The following MAP3K5 variants were observed in gnomAD, a reference collection of about 807,000 sequenced individuals.
MAP3K5 encodes the protein mitogen-activated protein kinase kinase kinase 5.
A neutral mutation model predicts 158.7 loss-of-function variants in MAP3K5; 56 were observed. That is an observed-to-expected ratio of 0.35 (90% CI 0.28 to 0.44). MAP3K5 has a LOEUF of 0.44. Ranked by LOEUF, MAP3K5 falls within the 20% of genes least tolerant of loss-of-function variation. The probability of loss-of-function intolerance (pLI) is 1.00; values close to 1 mark genes in which losing one functional copy is unlikely to be tolerated. For synonymous variants in MAP3K5, 579 were observed against 601.7 expected (o/e 0.96, Z 0.55); for missense variants, 1,294 against 1,674.8 (o/e 0.77, Z 3.97).
intron 1 of MAP3K5, among the ~76,000 whole-genome samples, chr6:136,737,601 G>A (rs919261573): frequency 5.3e-5 from 8 of 152,126 alleles, no homozygotes; most frequent in African/African-American, 1.2e-4. Flanking sequence ...AGGAGGCTCC[G>A]GTTTCTTCGC....
intron 8 of MAP3K5, among the ~76,000 whole-genome samples, chr6:136,662,064 C>T (rs1008183654): frequency 1.3e-5 from 2 of 152,176 alleles, no homozygotes; most frequent in African/African-American, 2.4e-5. Flanking sequence ...ATTTTTATTA[C>T]TCTAAACATT....
chr6:136,773,421 T>G (rs1784289883), intron 1 of MAP3K5, among the ~76,000 whole-genome samples: 1 of 152,234 alleles, frequency 6.6e-6, no homozygotes, highest in Admixed American at 6.5e-5. Context: ...GAAACTGCTC[T>G]GGCAAAGTTA....
At chr6:136,634,342 C>G (rs900080254) in intron 14 of MAP3K5, among the ~76,000 whole-genome samples, 5 of 152,154 alleles carry the variant, frequency 3.3e-5, no homozygotes, top group Admixed American at 2.0e-4. Flanking sequence ...CAGAGCATCC[C>G]TGTAAACATG....
intron 24 of MAP3K5, 132 bp downstream of exon 24, chr6:136,583,423 T>TG: frequency 1.3e-6 from 1 of 798,104 alleles, no homozygotes; most frequent in Non-Finnish European, 1.9e-6. Flanking sequence ...GAGGCGAATA[T>TG]CTCACATTTT....
At chr6:136,619,399 G>A (rs888462207) in intron 15 of MAP3K5, among the ~76,000 whole-genome samples, 1 of 152,210 alleles carries the variant, frequency 6.6e-6, no homozygotes, top group Non-Finnish European at 1.5e-5. Flanking sequence ...GTTTTAGGCA[G>A]TAGTGACGTG....
chr6:136,591,788 C>T (rs989537955), intron 23 of MAP3K5, among the ~76,000 whole-genome samples: 39 of 152,222 alleles, frequency 2.6e-4, no homozygotes, highest in Admixed American at 9.2e-4. Flanking sequence ...CTGAGAGGAG[C>T]GACTGGCAGG....
chr6:136,623,942 C>T (rs1418795363), intron 14 of MAP3K5, among the ~76,000 whole-genome samples: 4 of 152,192 alleles, frequency 2.6e-5, no homozygotes, highest in Non-Finnish European at 5.9e-5. Context: ...CCTGTTAATT[C>T]TAGCACTTTG....
rs375647387 is a variant in MAP3K5 at position 136,642,529 on chromosome 6, C to T, written c.1829G>A (p.Arg610Lys). 6.2e-7 allele frequency: 1 copy of T among 1,610,130 alleles called. No homozygotes were observed. The highest frequency in any genetic ancestry group is 1.3e-5 in the African/African-American group (1 of 74,910). Residue 610 changes from arginine to lysine, a missense_variant, in exon 12 of 30, where the codon AGG (arginine) becomes AAG (lysine). Arg to Lys is a conservative substitution (Grantham distance 26, BLOSUM62 2). Coordinates refer to ENST00000359015, the MANE Select transcript of MAP3K5 (RefSeq NM_005923.4). Reference sequence around the variant, plus strand: ...TACCAAGGAAACTTACCTCACTCCCCTGACAGAAGAGGCACTAAAATTCCA... The same window carrying T: ...TACCAAGGAAACTTACCTCACTCCCTTGACAGAAGAGGCACTAAAATTCCA... The part of the protein sequence containing the change: ...HEWNFSASSV[R>K]GVSISKFEER...
At chr6:136,656,584 C>T (rs1320086435) in intron 9 of MAP3K5, 124 bp from the exon 10 acceptor site, 8 of 616,556 alleles carry the variant, frequency 1.3e-5, no homozygotes, top group African/African-American at 1.1e-4. Flanking sequence ...TTCAGATTCA[C>T]CGTTATTCGT....
At chr6:136,606,287 G>A (rs557106106) in intron 18 of MAP3K5, among the ~76,000 whole-genome samples, 1 of 152,234 alleles carries the variant, frequency 6.6e-6, no homozygotes, top group South Asian at 2.1e-4. Flanking sequence ...GGAGGCGGAG[G>A]TTGCAGTGAG....
At chr6:136,627,939 T>G (rs1777121082) in intron 14 of MAP3K5, among the ~76,000 whole-genome samples, 1 of 152,196 alleles carries the variant, frequency 6.6e-6, no homozygotes, top group Non-Finnish European at 1.5e-5. Context: ...CTATCCCCAG[T>G]TTTAGCATGT....
intron 7 of MAP3K5, among the ~76,000 whole-genome samples, chr6:136,683,937 A>G (rs1221002722): frequency 1.3e-5 from 2 of 152,112 alleles, no homozygotes; most frequent in Non-Finnish European, 2.9e-5. Context: ...TCAGTTGCAA[A>G]ATGGGAAGAA....
chr6:136,733,157 C>T (rs888203716), intron 1 of MAP3K5, among the ~76,000 whole-genome samples: 1 of 152,168 alleles, frequency 6.6e-6, no homozygotes, highest in Non-Finnish European at 1.5e-5. Flanking sequence ...CACCACTATG[C>T]CCAGCTAATT....
chr6:136,706,964 A>G (rs1375603918), intron 2 of MAP3K5, among the ~76,000 whole-genome samples: 3 of 152,220 alleles, frequency 2.0e-5, no homozygotes, highest in African/African-American at 4.8e-5. Flanking sequence ...CCTAGGCAAC[A>G]TGATGAGACT....
chr6:136,731,117 T>C (rs1782206207), intron 1 of MAP3K5, among the ~76,000 whole-genome samples: 1 of 152,100 alleles, frequency 6.6e-6, no homozygotes, highest in African/African-American at 2.4e-5. Flanking sequence ...GCGCACGCCT[T>C]GGAGAGGATG....
chr6:136,762,235 G>GAGAAA (rs1337790948), intron 1 of MAP3K5, among the ~76,000 whole-genome samples: 1 of 151,884 alleles, frequency 6.6e-6, no homozygotes, highest in African/African-American at 2.4e-5. Flanking sequence ...GAGAAGAGAA[G>GAGAAA]AGACAGAGAG....
chr6:136,689,160 T>C (rs1483385121), intron 7 of MAP3K5, among the ~76,000 whole-genome samples: 1 of 151,982 alleles, frequency 6.6e-6, no homozygotes, highest in East Asian at 1.9e-4. Flanking sequence ...ATTAGCCAAG[T>C]GTTATAGCGT....
At chr6:136,623,372 A>T (rs1334327309) in intron 14 of MAP3K5, among the ~76,000 whole-genome samples, 1 of 152,192 alleles carries the variant, frequency 6.6e-6, no homozygotes, top group Admixed American at 6.5e-5. Flanking sequence ...TCAGCTTTTG[A>T]TGCTGTTAAA....
intron 7 of MAP3K5, among the ~76,000 whole-genome samples, chr6:136,684,061 A>G (rs1381056671): frequency 6.6e-6 from 1 of 151,972 alleles, no homozygotes; most frequent in Non-Finnish European, 1.5e-5. Context: ...GCGAGATCCC[A>G]TCTCTACAAA....
Sources: gnomAD v4.1 joint callset for allele counts (sites outside exome capture counted in the v4.1 genomes callset) on GRCh38, gnomAD v4.1.1 for gene constraint, MANE v1.5 for transcripts, NCBI Gene and HGNC (gene_info 2026-07-23, HGNC 2026-07-21) for gene names.